The following PCDHGA3 variants were observed in gnomAD, a reference collection of about 807,000 sequenced individuals.
The protein encoded by PCDHGA3 is protocadherin gamma subfamily A, 3, also known as protocadherin gamma-A3.
In PCDHGA3, 40 loss-of-function variants were observed where a neutral mutation model predicts 58.5. That is an observed-to-expected ratio of 0.68 (90% CI 0.53 to 0.89). The LOEUF is 0.89. PCDHGA3 is among the 40% of genes least tolerant of loss of function. The pLI, the probability that PCDHGA3 is intolerant of heterozygous loss-of-function variation, is 0.00. For synonymous variants in PCDHGA3, 530 were observed against 525.7 expected (o/e 1.01, Z -0.11); for missense variants, 1,223 against 1,195.9 (o/e 1.02, Z -0.33).
intron 1 of PCDHGA3, chr5:141,375,643 C>T (rs1443985601): frequency 1.9e-6 from 3 of 1,614,092 alleles, no homozygotes; most frequent in Admixed American, 3.3e-5. Flanking sequence ...TGCGCTCCTT[C>T]GACTATGAGC....
chr5:141,421,834 CGA>C lies in PCDHGA3; in HGVS notation c.2425-72968_2425-72967del, dbSNP rs763631483. The C allele has an allele frequency of 2.1e-5, 34 of 1,613,630 alleles. No homozygotes were observed. The Admixed American group carries it at 5.5e-4, about 26-fold the overall frequency. ...GCTAGTACTGGAGGGAAGCCTGGAC[CGA>C]GAGAAAGAGGCTGCTCACCTGCTCC... On this transcript the variant is annotated intron_variant, in intron 1 of 3. Transcript: ENST00000253812.
At chr5:141,364,827 C>T in intron 1 of PCDHGA3, 1 of 1,613,996 alleles carries the variant, frequency 6.2e-7, no homozygotes, top group Non-Finnish European at 8.5e-7. Flanking sequence ...GGTGTGAACT[C>T]TCTCCGGAGT....
rs2095330785 is a variant in PCDHGA3 at position 141,409,884 on chromosome 5, G to C, written c.2424+63427G>C. The C allele has an allele frequency of 1.9e-6, 3 of 1,612,952 alleles. No individual in the cohort carries two copies. In the South Asian group the frequency reaches 3.3e-5, roughly 18 times the overall value. On this transcript the variant is annotated intron_variant, in intron 1 of 3. Transcript: ENST00000253812. ...GGAGACCGCAATGACAACGCACCGC[G>C]GGTGCTGTACCCAGCTCTGGGTCCT...
rs1460374236 is a variant in PCDHGA3, at chr5:141,345,048, G to T, written c.1015G>T (p.Asp339Tyr). Residue 339 changes from aspartate (D) to tyrosine (Y), a missense_variant, in exon 1 of 4, where the codon GAT (aspartate) becomes TAT (tyrosine). Physicochemically the swap from Asp to Tyr is radical, Grantham distance 160. Transcript: ENST00000253812. ...SRAKILVTVL[D>Y]VNDNAPEITI... The stretch of plus-strand genomic sequence containing the variant: ...AGCCAAGATTCTAGTCACGGTTCTG[G>T]ATGTGAATGACAATGCTCCAGAAAT... 1 of 1,613,822 alleles carries T rather than the reference G, an allele frequency of 6.2e-7. No homozygotes were observed. Among genetic ancestry groups the T allele is most frequent in the Non-Finnish European group, 8.5e-7 (1 of 1,179,898 alleles).
intron 1 of PCDHGA3, chr5:141,392,852 G>C: frequency 6.2e-7 from 1 of 1,611,984 alleles, no homozygotes; most frequent in East Asian, 2.2e-5. Flanking sequence ...GCGGCGAGCT[G>C]ATCCTGCTGT....
intron 1 of PCDHGA3, chr5:141,421,105 G>A: frequency 1.4e-6 from 1 of 700,910 alleles, no homozygotes; most frequent in Non-Finnish European, 2.3e-6. Context: ...TGGAGACTTA[G>A]AAGTATTTTC....
chr5:141,384,530 G>A, intron 1 of PCDHGA3: 6 of 1,614,238 alleles, frequency 3.7e-6, no homozygotes, highest in Non-Finnish European at 5.1e-6. Flanking sequence ...CCTCTCAGCA[G>A]CAACATGTCA....
At chr5:141,389,664 G>T (rs1182835621) in intron 1 of PCDHGA3, 1 of 1,612,328 alleles carries the variant, frequency 6.2e-7, no homozygotes, top group African/African-American at 1.3e-5. Context: ...GGCGGTGGAC[G>T]CAGACTCAGG....
chr5:141,418,883 G>A (rs376245268), intron 1 of PCDHGA3: 5 of 1,613,960 alleles, frequency 3.1e-6, no homozygotes, highest in East Asian at 2.2e-5. Flanking sequence ...AGACGAAAAC[G>A]ACAACAGCCC....
At chr5:141,403,270 T>C (rs1284833810) in intron 1 of PCDHGA3, 2 of 1,613,770 alleles carry the variant, frequency 1.2e-6, no homozygotes, top group African/African-American at 1.3e-5. Flanking sequence ...TGGTGAACTT[T>C]AAAGTCCTGG....
chr5:141,472,980 C>CAAAAAAAAAAAAAAAAAAAAAAAAAAAA (rs60579131), intron 1 of PCDHGA3, among the ~76,000 whole-genome samples: 1 of 86,106 alleles, frequency 1.2e-5, no homozygotes, highest in Non-Finnish European at 2.5e-5. Flanking sequence ...GAGTGAAACT[C>CAAAAAAAAAAAAAAAAAAAAAAAAAAAA]AAAAAAAAAA....
At position 141,382,695 on chromosome 5, in the gene PCDHGA3, G is replaced by A. The variant is rs76993444; in HGVS notation, c.2424+36238G>A. ...TTCACCAACCAGGGAAAAATGGTGCGAGAGATCCCACAGAAACCACCGAGT... is the reference window on the plus strand; with the variant it reads ...TTCACCAACCAGGGAAAAATGGTGCAAGAGATCCCACAGAAACCACCGAGT... On this transcript the variant is annotated intron_variant, in intron 1 of 3. Coordinates refer to ENST00000253812, the MANE Select transcript of PCDHGA3 (RefSeq NM_018916.4). 1.1e-3 allele frequency: 486 copies of A among 451,892 alleles called. 2 individuals carry two copies. The highest frequency in any genetic ancestry group is 9.0e-3 in the African/African-American group (451 of 50,190). The allele number at this position is 451,892 out of a possible 1,614,324, so 28.0% of individuals were successfully genotyped here.
chr5:141,469,595 CAAAAT>C (rs919167679), intron 1 of PCDHGA3, among the ~76,000 whole-genome samples: 3 of 151,998 alleles, frequency 2.0e-5, no homozygotes, highest in Admixed American at 6.6e-5. Context: ...ATAAATAAAA[CAAAAT>C]AAGTAAAATA....
rs532216579 is a variant in PCDHGA3, at chr5:141,419,369, T to G, written c.2424+72912T>G. 631 of 1,613,750 alleles carry G rather than the reference T, an allele frequency of 3.9e-4. 5 individuals carry two copies. In the East Asian group the frequency reaches 0.013, roughly 33 times the overall value. On this transcript the variant is annotated intron_variant, in intron 1 of 3. Coordinates refer to ENST00000253812, the MANE Select transcript of PCDHGA3 (RefSeq NM_018916.4). ...CCTGGAGTCACGAACGCTGTCGTCC[T>G]ACGTGTCCGTGAGCGCGCAGAGCGG...
At chr5:141,360,217 G>C (rs749014540) in intron 1 of PCDHGA3, 1 of 1,613,398 alleles carries the variant, frequency 6.2e-7, no homozygotes, top group Non-Finnish European at 8.5e-7. Flanking sequence ...GTTCCCCGGG[G>C]CTCTCCCAGT....
intron 1 of PCDHGA3, among the ~76,000 whole-genome samples, chr5:141,369,057 G>A (rs907839197): frequency 1.4e-4 from 22 of 152,206 alleles, no homozygotes; most frequent in African/African-American, 5.1e-4. Flanking sequence ...ACATTATGTA[G>A]GCTAAAGATA....
chr5:141,349,639 G>T (rs1047653620), intron 1 of PCDHGA3, among the ~76,000 whole-genome samples: 2 of 151,988 alleles, frequency 1.3e-5, no homozygotes, highest in African/African-American at 4.8e-5. Flanking sequence ...TATATGGAGA[G>T]ATTTAAAATA....
Position 141,432,038 on chromosome 5 carries a change from C to G in PCDHGA3, c.2425-62769C>G, listed in dbSNP as rs202246871. ...CAACATCACAGTGACCGCCACTGAC[C>G]GGGGAACCCCGCCCCTATCCACGGA... On this transcript the variant is annotated intron_variant, in intron 1 of 3. Transcript: ENST00000253812. This position sits in a 1 kb window ranked among gnomAD's most constrained non-coding sequence, Gnocchi z 6.0. 2 of 1,614,190 alleles carry G rather than the reference C, an allele frequency of 1.2e-6. No homozygotes were observed. The highest frequency in any genetic ancestry group is 8.5e-7 in the Non-Finnish European group (1 of 1,180,032).
chr5:141,371,937 T>C, intron 1 of PCDHGA3: 1 of 1,613,290 alleles, frequency 6.2e-7, no homozygotes. Flanking sequence ...CGGGGTGGTG[T>C]TCGCGCAGCG....
Sources: allele counts gnomAD v4.1 joint callset (sites outside exome capture counted in the v4.1 genomes callset), GRCh38; gene constraint gnomAD v4.1.1; non-coding constraint Gnocchi (gnomAD v3.1); transcripts MANE v1.5; gene names NCBI Gene and HGNC (gene_info 2026-07-23, HGNC 2026-07-21).